Variants in PPARA observed in about 807,000 individuals in gnomAD.
PPARA encodes peroxisome proliferator activated receptor alpha, also known as peroxisome proliferator-activated receptor alpha.
Under a neutral mutation model 42.2 loss-of-function variants are expected in PPARA, and 22 were observed. That is an observed-to-expected ratio of 0.52 (90% CI 0.37 to 0.74). The LOEUF (loss-of-function observed/expected upper bound fraction) is 0.74, where lower values mean the gene tolerates loss of function less well. Ranked by LOEUF, PPARA falls within the 30% of genes least tolerant of loss-of-function variation. PPARA has a pLI of 0.00. For missense variants in PPARA, 465 were observed against 608.2 expected, an observed-to-expected ratio of 0.76 and a Z score of 2.48; for synonymous variants, 242 against 239.3, an observed-to-expected ratio of 1.01 and a Z score of -0.10.
In PPARA at chr22:46,173,173, A is replaced by G. The variant is rs572512423; in HGVS notation, c.-126-3580A>G. On this transcript the variant is annotated intron_variant, in intron 2 of 8. Coordinates refer to ENST00000407236, the MANE Select transcript of PPARA (RefSeq NM_005036.6). This position sits in a 1 kb window ranked among gnomAD's most constrained non-coding sequence, Gnocchi z 4.3. ...GAATTATGTTGAGTTGCTTAAAGTC[A>G]TGCTATCGGGTAGATGTTGTGGCTG... is the stretch of plus-strand genomic sequence containing the variant. 6.6e-6 allele frequency among the ~76,000 whole-genome samples: 1 copy of G among 152,360 alleles called. No individual in the cohort carries two copies. The highest frequency in any genetic ancestry group is 2.1e-4 in the South Asian group (1 of 4,832).
At chr22:46,217,340 T>A (rs4253747) in intron 5 of PPARA, among the ~76,000 whole-genome samples, 45,209 of 152,074 alleles carry the variant, frequency 0.3, 7,968 homozygotes, top group African/African-American at 0.51. Flanking sequence ...CTCCTTCGCA[T>A]GTTTTCTAAC....
Position 46,200,950 on chromosome 22 carries a change from A to AT in PPARA, c.208+2360dup, listed in dbSNP as rs1002948995. Among the ~76,000 whole-genome samples, 8 of 151,534 alleles carry AT rather than the reference A, an allele frequency of 5.3e-5. No individual in the cohort carries two copies. The highest frequency in any genetic ancestry group is 1.9e-4 in the African/African-American group (8 of 41,220). ...AAAAAAAGTTGGGGCGTGGTGGCTCATGCCTGTAATCCCAGCACTTTGGGA... is the reference window on the plus strand; with the variant it reads ...AAAAAAAGTTGGGGCGTGGTGGCTCATTGCCTGTAATCCCAGCACTTTGGGA... On this transcript the variant is annotated intron_variant, in intron 4 of 8. Transcript: ENST00000407236. This position sits in a 1 kb window ranked among gnomAD's most constrained non-coding sequence, Gnocchi z 4.8.
chr22:46,193,318 T>C lies in PPARA; in HGVS notation c.-42-5024T>C, dbSNP rs539749470. 1.3e-5 allele frequency among the ~76,000 whole-genome samples: 2 copies of C among 152,314 alleles called. No individual in the cohort carries two copies. Among genetic ancestry groups the C allele is most frequent in the East Asian group, 3.9e-4 (2 of 5,190 alleles). On this transcript the variant is annotated intron_variant, in intron 3 of 8. Coordinates refer to ENST00000407236, the MANE Select transcript of PPARA (RefSeq NM_005036.6). The surrounding 1 kb of genome is among the most constrained non-coding windows in gnomAD (Gnocchi z 5.3). Reference sequence around the variant, plus strand: ...CTGACCTCAAGTGATCCACTCGCCTTGGCCTCCCAAATGCTCAGATTACAG... The same window carrying C: ...CTGACCTCAAGTGATCCACTCGCCTCGGCCTCCCAAATGCTCAGATTACAG...
At chr22:46,220,400 G>A in intron 7 of PPARA, 1 of 318,620 alleles carries the variant, frequency 3.1e-6, no homozygotes, top group Non-Finnish European at 6.1e-6. Flanking sequence ...CTGCAGCCTT[G>A]AACTCCTGGG....
rs1931507648 is a variant in PPARA, at chr22:46,191,281, G to A, written c.-42-7061G>A. 6.6e-6 allele frequency among the ~76,000 whole-genome samples: 1 copy of A among 152,202 alleles called. No homozygotes were observed. Among genetic ancestry groups the A allele is most frequent in the African/African-American group, 2.4e-5 (1 of 41,456 alleles). Reference sequence around the variant, plus strand: ...CCAATACAAGGGTGCACACGTGGGTGAGACACGGCAGCTGCTCTCCAGAAG... The same window carrying A: ...CCAATACAAGGGTGCACACGTGGGTAAGACACGGCAGCTGCTCTCCAGAAG... On this transcript the variant is annotated intron_variant, in intron 3 of 8. Coordinates refer to ENST00000407236, the MANE Select transcript of PPARA (RefSeq NM_005036.6). This position sits in a 1 kb window ranked among gnomAD's most constrained non-coding sequence, Gnocchi z 4.6.
rs953423869 is a variant in PPARA, at chr22:46,192,437, G to A, written c.-42-5905G>A. 6.6e-6 allele frequency among the ~76,000 whole-genome samples: 1 copy of A among 152,220 alleles called. No individual in the cohort carries two copies. The highest frequency in any genetic ancestry group is 1.5e-5 in the Non-Finnish European group (1 of 68,048). ...CTTCCAGTGTTTGCACCTGCCCTGTGCTCGGGTAACATAAAACAGTGATAT... is the reference window on the plus strand; with the variant it reads ...CTTCCAGTGTTTGCACCTGCCCTGTACTCGGGTAACATAAAACAGTGATAT... On this transcript the variant is annotated intron_variant, in intron 3 of 8. Coordinates refer to ENST00000407236, the MANE Select transcript of PPARA (RefSeq NM_005036.6). The surrounding 1 kb of genome is among the most constrained non-coding windows in gnomAD (Gnocchi z 4.3).
intron 4 of PPARA, among the ~76,000 whole-genome samples, chr22:46,198,956 G>A (rs540878522): frequency 1.3e-5 from 2 of 152,256 alleles, no homozygotes; most frequent in East Asian, 3.9e-4. Flanking sequence ...ACCGCGCCCG[G>A]CCGAAAACTG....
intron 4 of PPARA, among the ~76,000 whole-genome samples, chr22:46,201,327 TGGGGG>T (rs1932826962): frequency 6.6e-6 from 1 of 151,160 alleles, no homozygotes; most frequent in African/African-American, 2.5e-5. Flanking sequence ...CTGAGGACTC[TGGGGG>T]GCCTTTGTGA....
At position 46,195,415 on chromosome 22, in the gene PPARA, A is replaced by G. The variant is rs1932116143; in HGVS notation, c.-42-2927A>G. The stretch of plus-strand genomic sequence containing the variant: ...ACAGAGTCCCAGCCTGACTTATGCT[A>G]GTAGGTTACAGAGAAAGAAAGTCTT... On this transcript the variant is annotated intron_variant, in intron 3 of 8. Coordinates refer to ENST00000407236, the MANE Select transcript of PPARA (RefSeq NM_005036.6). The surrounding 1 kb of genome is among the most constrained non-coding windows in gnomAD (Gnocchi z 4.6). Among the ~76,000 whole-genome samples, 1 of 152,192 alleles carries G rather than the reference A, an allele frequency of 6.6e-6. No individual in the cohort carries two copies. Among genetic ancestry groups the G allele is most frequent in the African/African-American group, 2.4e-5 (1 of 41,452 alleles).
At chr22:46,202,508 G>A (rs955786279) in intron 4 of PPARA, among the ~76,000 whole-genome samples, 2 of 151,766 alleles carry the variant, frequency 1.3e-5, no homozygotes, top group Non-Finnish European at 2.9e-5. Flanking sequence ...AGGTCGAGGC[G>A]GGTGGATCAC....
intron 3 of PPARA, among the ~76,000 whole-genome samples, chr22:46,185,962 TATAC>T (rs1251170113): frequency 0.061 from 2,245 of 37,078 alleles, 468 homozygotes; most frequent in East Asian, 0.089. Flanking sequence ...TATATATATA[TATAC>T]ACACACACTA....
intron 4 of PPARA, among the ~76,000 whole-genome samples, chr22:46,207,984 G>C (rs1933558797): frequency 6.6e-6 from 1 of 151,996 alleles, no homozygotes; most frequent in Non-Finnish European, 1.5e-5. Context: ...GTGAGCCACT[G>C]TGCCAGTCCC....
chr22:46,218,561 C>T (rs541670731), intron 6 of PPARA, among the ~76,000 whole-genome samples, 160 bp downstream of exon 6: 14 of 152,202 alleles, frequency 9.2e-5, no homozygotes, highest in Admixed American at 7.2e-4. Flanking sequence ...CGCCCAGGCG[C>T]GGTGGTTCAC....
At chr22:46,174,688 G>A (rs1323218273) in intron 2 of PPARA, among the ~76,000 whole-genome samples, 3 of 152,106 alleles carry the variant, frequency 2.0e-5, no homozygotes, top group South Asian at 2.1e-4. Flanking sequence ...ATCATGGTTC[G>A]TGCCTGTAGT....
At position 46,219,834 on chromosome 22, in the gene PPARA, A is replaced by G. The variant is rs529897371; in HGVS notation, c.531A>G (p.Pro177=). 6.2e-7 allele frequency: 1 copy of G among 1,614,220 alleles called. No homozygotes were observed. The highest frequency in any genetic ancestry group is 8.5e-7 in the Non-Finnish European group (1 of 1,180,038). Residue 177 remains proline, a synonymous_variant, in exon 7 of 9, where the codon CCA becomes CCG. Transcript: ENST00000407236. This position sits in a 1 kb window ranked among gnomAD's most constrained non-coding sequence, Gnocchi z 4.8. ...SHNAIRFGRM[P]RSEKAKLKAE... is the part of the protein sequence containing the mutation. ...TAGCGATTCGTTTTGGACGAATGCC[A>G]AGATCTGAGAAAGCAAAACTGAAAG...
Position 46,176,846 on chromosome 22 carries a change from C to T in PPARA, c.-43+10C>T, listed in dbSNP as rs941266905. 2.0e-5 allele frequency: 3 copies of T among 152,246 alleles called. No homozygotes were observed. Among genetic ancestry groups the T allele is most frequent in the African/African-American group, 7.2e-5 (3 of 41,458 alleles). The allele number at this position is 152,246 out of a possible 1,614,324, so 9.4% of individuals were successfully genotyped here. A position where few individuals can be genotyped will look rare whatever the true frequency, so the allele number is the denominator to read the frequency against. ...GCTTCATAGATAAGAGGTACATACA[C>T]GTTTAGGAGCATCGTGTCTTCCTGG... On this transcript the variant is annotated intron_variant, in intron 3 of 8. Transcript: ENST00000407236.
chr22:46,155,574 C>CA (rs951092717), intron 2 of PPARA: 2 of 152,124 alleles, frequency 1.3e-5, no homozygotes, highest in African/African-American at 4.8e-5. Flanking sequence ...CTCGGCCTCC[C>CA]AAAGTGCTGG....
rs1260978637 is a variant in PPARA at position 46,225,904 on chromosome 22, C to A, written c.712-5888C>A. ...ACGCACACTCACACATGTACCCACA[C>A]CTGTGTGTACACACACACATGCATG... On this transcript the variant is annotated intron_variant, in intron 7 of 8. Transcript: ENST00000407236. This position sits in a 1 kb window ranked among gnomAD's most constrained non-coding sequence, Gnocchi z 4.1. Among the ~76,000 whole-genome samples, 3 of 151,964 alleles carry A rather than the reference C, an allele frequency of 2.0e-5. No individual in the cohort carries two copies. The highest frequency in any genetic ancestry group is 4.4e-5 in the Non-Finnish European group (3 of 67,984).
rs1422102530 is a variant in PPARA, at chr22:46,212,319, AGTGCT to A, written c.209-2852_209-2848del. 3.3e-5 allele frequency among the ~76,000 whole-genome samples: 5 copies of A among 152,182 alleles called. No homozygotes were observed. Among genetic ancestry groups the A allele is most frequent in the Admixed American group, 3.3e-4 (5 of 15,276 alleles). ...TTATCTGCCAGCCTCGGCCTCCCAA[AGTGCT>A]GGGATGACAGGCATGAGCTACCGTG... On this transcript the variant is annotated intron_variant, in intron 4 of 8. Coordinates refer to ENST00000407236, the MANE Select transcript of PPARA (RefSeq NM_005036.6). The surrounding 1 kb of genome is among the most constrained non-coding windows in gnomAD (Gnocchi z 4.2).
Sources: gnomAD v4.1 joint callset for allele counts (sites outside exome capture counted in the v4.1 genomes callset) on GRCh38, gnomAD v4.1.1 for gene constraint, Gnocchi (gnomAD v3.1) non-coding constraint, MANE v1.5 for transcripts, NCBI Gene and HGNC (gene_info 2026-07-23, HGNC 2026-07-21) for gene names.